Variants in ZDBF2 observed in about 807,000 individuals in gnomAD.
ZDBF2 encodes DBF4-type zinc finger-containing protein 2.
ZDBF2 carries 6 observed loss-of-function variants against 9.4 expected under a neutral mutation model. That is an observed-to-expected ratio of 0.64 (90% CI 0.35 to 1.27). The LOEUF is 1.27. ZDBF2 is among the 50% of genes most tolerant of loss of function. The pLI, the probability that ZDBF2 is intolerant of heterozygous loss-of-function variation, is 0.03. For synonymous variants in ZDBF2, 905 were observed against 946.3 expected, an observed-to-expected ratio of 0.96 and a Z score of 0.80; for missense variants, 2,697 against 2,766.8, an observed-to-expected ratio of 0.97 and a Z score of 0.57.
chr2:206,301,823 A>G (rs931612886), intron 4 of ZDBF2, among the ~76,000 whole-genome samples: 4 of 151,530 alleles, frequency 2.6e-5, no homozygotes, highest in African/African-American at 9.7e-5. Flanking sequence ...TATGGGGGCA[A>G]TTTGGTTGTT....
chr2:206,308,344 C>T lies in ZDBF2; in HGVS notation c.3816C>T (p.Asp1272=), dbSNP rs766150956. The change falls in exon 5 of 5, where the codon GAC becomes GAT. Residue 1272 remains aspartate, a synonymous_variant. Coordinates refer to ENST00000374423, the MANE Select transcript of ZDBF2 (RefSeq NM_020923.3). The part of the protein sequence containing the change: ...KEVSLWKEHV[D]LENKIVKPTD... Reference sequence around the variant, plus strand: ...TCAGTCTTTGGAAAGAGCATGTTGACTTGGAAAATAAGATTGTCAAACCTA... The same window carrying T: ...TCAGTCTTTGGAAAGAGCATGTTGATTTGGAAAATAAGATTGTCAAACCTA... 12 of 1,612,848 alleles carry T rather than the reference C, an allele frequency of 7.4e-6. No homozygotes were observed. Among genetic ancestry groups the T allele is most frequent in the African/African-American group, 1.3e-5 (1 of 74,816 alleles).
At chr2:206,301,057 C>T (rs2105939210) in intron 4 of ZDBF2, among the ~76,000 whole-genome samples, 1 of 152,118 alleles carries the variant, frequency 6.6e-6, no homozygotes, top group Admixed American at 6.5e-5. Context: ...CCTAATAGGC[C>T]AAAAATGTGT....
At chr2:206,275,268 G>A (rs1690925617) in intron 1 of ZDBF2, among the ~76,000 whole-genome samples, 1 of 152,092 alleles carries the variant, frequency 6.6e-6, no homozygotes, top group Non-Finnish European at 1.5e-5. Flanking sequence ...CTTGGGGAGG[G>A]GGCGGTCTGC....
At chr2:206,282,720 A>G (rs1212480518) in intron 3 of ZDBF2, among the ~76,000 whole-genome samples, 1 of 152,172 alleles carries the variant, frequency 6.6e-6, no homozygotes, top group African/African-American at 2.4e-5. Context: ...TTATTGTGAT[A>G]TAACTCATAC....
At position 206,305,062 on chromosome 2, in the gene ZDBF2, A is replaced by T. The variant is rs1452401909; in HGVS notation, c.534A>T (p.Val178=). Residue 178 remains valine (V), a synonymous_variant, in exon 5 of 5, where the codon GTA becomes GTT. Coordinates refer to ENST00000374423, the MANE Select transcript of ZDBF2 (RefSeq NM_020923.3). ...CTACAAATAATAGAAGCAACTTGGT[A>T]CGCCCCCCAGTGATTTGTAATGCTC... ...GQATNNRSNL[V]RPPVICNAPA... 6.2e-7 allele frequency: 1 copy of T among 1,613,842 alleles called. No individual in the cohort carries two copies. The highest frequency in any genetic ancestry group is 8.5e-7 in the Non-Finnish European group (1 of 1,179,818).
rs549648229 is a variant in ZDBF2, at chr2:206,313,243, A to G, written c.*1650A>G. The stretch of plus-strand genomic sequence containing the variant: ...ATGTGGTTTTATTTCAGGGGCCATT[A>G]TTTAACCTGTGTGTATGCTATGATG... On this transcript the variant is annotated 3_prime_UTR_variant, in exon 5 of 5. Transcript: ENST00000374423. The G allele has an allele frequency of 1.3e-5, 2 of 152,204 alleles. No individual in the cohort carries two copies. Among genetic ancestry groups the G allele is most frequent in the Non-Finnish European group, 2.9e-5 (2 of 68,020 alleles). 9.4% of individuals were successfully genotyped at this position (152,204 alleles called of 1,614,324 possible). A position where few individuals can be genotyped will look rare whatever the true frequency, so the allele number is the denominator to read the frequency against.
intron 3 of ZDBF2, among the ~76,000 whole-genome samples, chr2:206,286,581 G>A (rs2105908993): frequency 6.6e-6 from 1 of 151,466 alleles, no homozygotes; most frequent in Admixed American, 6.6e-5. Flanking sequence ...AAAAATAAAA[G>A]AGATGGAGTC....
intron 3 of ZDBF2, among the ~76,000 whole-genome samples, chr2:206,287,001 A>G (rs1210092175): frequency 2.0e-5 from 3 of 152,122 alleles, no homozygotes; most frequent in Non-Finnish European, 4.4e-5. Context: ...CAGCTTTAGT[A>G]GCACTGTGTT....
chr2:206,307,898 G>C lies in ZDBF2; in HGVS notation c.3370G>C (p.Val1124Leu). The change falls in exon 5 of 5, where the codon GTC becomes CTC. Residue 1124 changes from valine (V) to leucine (L), a missense_variant. Coordinates refer to ENST00000374423, the MANE Select transcript of ZDBF2 (RefSeq NM_020923.3). ...ATTAATACATCATCCTGATGTTTCT[G>C]TCCAATCTGTGGCTGATCAACCCAA... is the stretch of plus-strand genomic sequence containing the variant. ...YKLIHHPDVS[V>L]QSVADQPKVA... 1 of 1,613,662 alleles carries C rather than the reference G, an allele frequency of 6.2e-7. No individual in the cohort carries two copies. The highest frequency in any genetic ancestry group is 8.5e-7 in the Non-Finnish European group (1 of 1,179,748).
Position 206,309,676 on chromosome 2 carries a change from C to A in ZDBF2, c.5148C>A (p.Ser1716=), listed in dbSNP as rs1225050967. The stretch of plus-strand genomic sequence containing the variant: ...CTGCAGTGGATTTTGGTGCCTCTTC[C>A]AAGTCAGCGCTCCATCGAAGGGCTG... The part of the protein sequence containing the change: ...SASAVDFGAS[S]KSALHRRADK... Residue 1716 remains serine (S), a synonymous_variant, in exon 5 of 5, where the codon TCC becomes TCA. Transcript: ENST00000374423. 1.3e-5 allele frequency: 21 copies of A among 1,613,808 alleles called. No individual in the cohort carries two copies. The East Asian group carries it at 4.7e-4, about 36-fold the overall frequency.
chr2:206,303,059 C>T (rs1043208208), intron 4 of ZDBF2, among the ~76,000 whole-genome samples: 1 of 152,042 alleles, frequency 6.6e-6, no homozygotes, highest in Non-Finnish European at 1.5e-5. Context: ...GATATTAGTA[C>T]AGTCCATGGT....
chr2:206,295,703 C>T (rs1480607656), intron 3 of ZDBF2, among the ~76,000 whole-genome samples: 1 of 151,920 alleles, frequency 6.6e-6, no homozygotes, highest in Non-Finnish European at 1.5e-5. Flanking sequence ...GTGCCTTAGT[C>T]TTTTCGTGCT....
chr2:206,283,962 C>T (rs1691467001), intron 3 of ZDBF2, among the ~76,000 whole-genome samples: 1 of 152,122 alleles, frequency 6.6e-6, no homozygotes. Context: ...CACAACTGGC[C>T]TTCTTTTTAC....
In ZDBF2 at chr2:206,306,796, G is replaced by A. The variant is rs763427850; in HGVS notation, c.2268G>A (p.Pro756=). 19 of 1,613,626 alleles carry A rather than the reference G, an allele frequency of 1.2e-5. No individual in the cohort carries two copies. Among genetic ancestry groups the A allele is most frequent in the South Asian group, 6.6e-5 (6 of 91,076 alleles). The change falls in exon 5 of 5, where the codon CCG becomes CCA. Residue 756 remains proline, a synonymous_variant. Transcript: ENST00000374423. ...CTGAGTTGACTTTTGATTCTGACCC[G>A]CCTCTTCTGTCAGTTACTGAGCAGT... The part of the protein sequence containing the change: ...SSSELTFDSD[P]PLLSVTEQSH...
chr2:206,275,118 CT>C (rs968370779), intron 1 of ZDBF2, among the ~76,000 whole-genome samples, 172 bp downstream of exon 1: 8 of 152,150 alleles, frequency 5.3e-5, no homozygotes, highest in African/African-American at 1.9e-4. Context: ...CTTTCTGCCC[CT>C]GCTGCGTGAG....
At chr2:206,285,307 T>C (rs1235084125) in intron 3 of ZDBF2, among the ~76,000 whole-genome samples, 1 of 148,820 alleles carries the variant, frequency 6.7e-6, no homozygotes. Context: ...CTTGCCAGTG[T>C]GTTATTTTTT....
rs879518310 is a variant in ZDBF2, at chr2:206,304,567, A to C, written c.189-150A>C. ...TGCAGTAATTCCCCCTCTGTGGTCC[A>C]TGCAGTGTTCAGCCTGGGGTGACTG... On this transcript the variant is annotated intron_variant, in intron 4 of 4. Transcript: ENST00000374423. The C allele has an allele frequency of 4.4e-6, 4 of 903,818 alleles. No homozygotes were observed. The African/African-American group carries it at 5.1e-5, about 11-fold the overall frequency. 56.0% of individuals were successfully genotyped at this position (903,818 alleles called of 1,614,324 possible).
At chr2:206,281,673 C>T (rs1691325453) in intron 2 of ZDBF2, 128 bp from the exon 3 acceptor site, 1 of 565,318 alleles carries the variant, frequency 1.8e-6, no homozygotes, top group South Asian at 2.3e-5. Context: ...TATTCAGTGG[C>T]TCATGGCAGC....
chr2:206,306,143 A>C lies in ZDBF2; in HGVS notation c.1615A>C (p.Ser539Arg), dbSNP rs749972927. ...CTATGGTTCCAGTAGCTCTGAAGTA[A>C]GTGCTGATTCTGTTTTCCCACTGCA... ...KNYGSSSSEV[S>R]ADSVFPLQSV... The change falls in exon 5 of 5, where the codon AGT becomes CGT. Residue 539 changes from serine to arginine, a missense_variant. Around this residue, in one of 3 missense-constraint regions of ZDBF2, gnomAD observed 910 missense variants for 973.6 expected, o/e 0.93. Transcript: ENST00000374423. 3.5e-5 allele frequency: 57 copies of C among 1,613,722 alleles called. No homozygotes were observed. The highest frequency in any genetic ancestry group is 4.7e-5 in the Non-Finnish European group (55 of 1,179,830).
Sources: gnomAD v4.1 joint callset for allele counts (sites outside exome capture counted in the v4.1 genomes callset) on GRCh38, gnomAD v4.1.1 for gene constraint, gnomAD v4.1.1 regional missense constraint, MANE v1.5 for transcripts, NCBI Gene and HGNC (gene_info 2026-07-23, HGNC 2026-07-21) for gene names.